The following RAD54L2 variants were observed in gnomAD, a reference collection of about 807,000 sequenced individuals.
The protein encoded by RAD54L2 is RAD54 like 2, also known as helicase ARIP4.
Under a neutral mutation model 138.4 loss-of-function variants are expected in RAD54L2, and 27 were observed. The observed-to-expected ratio is 0.20, with a 90% CI of 0.14 to 0.27. The LOEUF (loss-of-function observed/expected upper bound fraction) is 0.27, where lower values mean the gene tolerates loss of function less well. RAD54L2 is among the 10% of genes least tolerant of loss of function. The pLI is 1.00. For missense variants in RAD54L2, 1,396 were observed against 1,890.2 expected (o/e 0.74, Z 4.85); for synonymous variants, 644 against 723.2 (o/e 0.89, Z 1.76).
Position 51,645,661 on chromosome 3 carries a change from T to C in RAD54L2, c.2727T>C (p.Phe909=). ...AAGAGGTGGAAAACCTACTGCACTT[T>C]GTTGAGAAGGAGCCAGCTCCCCAAG... ...TRKEVENLLH[F]VEKEPAPQVS... is the part of the protein sequence containing the mutation. Residue 909 remains phenylalanine, a synonymous_variant, in exon 18 of 23, where the codon TTT becomes TTC. Coordinates refer to ENST00000684192, the MANE Select transcript of RAD54L2 (RefSeq NM_015106.4). This position sits in a 1 kb window ranked among gnomAD's most constrained non-coding sequence, Gnocchi z 6.1. 1 of 1,612,560 alleles carries C rather than the reference T, an allele frequency of 6.2e-7. No homozygotes were observed. The highest frequency in any genetic ancestry group is 8.5e-7 in the Non-Finnish European group (1 of 1,179,322).
chr3:51,567,882 C>T (rs895623287), intron 2 of RAD54L2, among the ~76,000 whole-genome samples: 6 of 146,520 alleles, frequency 4.1e-5, no homozygotes, highest in African/African-American at 1.5e-4. Flanking sequence ...GTCGAGGCTG[C>T]AGTGAGCTAT....
chr3:51,663,496 T>C lies in RAD54L2; in HGVS notation c.*76T>C. ...AAGCTGAAAGGCAGTGATTTAGACC[T>C]TTTGAGAATAGGACACTTGGCAGGA... On this transcript the variant is annotated 3_prime_UTR_variant, in exon 23 of 23. Coordinates refer to ENST00000684192, the MANE Select transcript of RAD54L2 (RefSeq NM_015106.4). 2 of 1,479,200 alleles carry C rather than the reference T, an allele frequency of 1.4e-6. No homozygotes were observed. The highest frequency in any genetic ancestry group is 1.8e-6 in the Non-Finnish European group (2 of 1,093,182). The allele number at this position is 1,479,200 out of a possible 1,614,324, so 91.6% of individuals were successfully genotyped here.
At position 51,627,667 on chromosome 3, in the gene RAD54L2, T is replaced by C; in HGVS notation, c.254T>C (p.Leu85Pro). 1.2e-6 allele frequency: 2 copies of C among 1,610,044 alleles called. No individual in the cohort carries two copies. Among genetic ancestry groups the C allele is most frequent in the Non-Finnish European group, 1.7e-6 (2 of 1,178,244 alleles). The change falls in exon 4 of 23, where the codon CTT becomes CCT. Residue 85 changes from leucine to proline, a missense_variant. Coordinates refer to ENST00000684192, the MANE Select transcript of RAD54L2 (RefSeq NM_015106.4). ...TCTCAGTCTGAGCCTTCAGAGCAGC[T>C]TAGGCGCCACCAAGGCAAGAACCTA... is the stretch of plus-strand genomic sequence containing the variant. ...TSSQSEPSEQ[L>P]RRHQGKNLAS...
rs1224153603 is a variant in RAD54L2 at position 51,637,139 on chromosome 3, C to G, written c.1340-22C>G. 5 of 1,556,862 alleles carry G rather than the reference C, an allele frequency of 3.2e-6. No individual in the cohort carries two copies. The highest frequency in any genetic ancestry group is 1.7e-4 in the Middle Eastern group (1 of 6,024). ...GAGCAGGCCCTGTCACCCTCTGACTCCGGATCCTCTTCCCTCCCTAGAGTT... is the reference window on the plus strand; with the variant it reads ...GAGCAGGCCCTGTCACCCTCTGACTGCGGATCCTCTTCCCTCCCTAGAGTT... On this transcript the variant is annotated intron_variant, in intron 10 of 22. Coordinates refer to ENST00000684192, the MANE Select transcript of RAD54L2 (RefSeq NM_015106.4). The surrounding 1 kb of genome is among the most constrained non-coding windows in gnomAD (Gnocchi z 5.9).
chr3:51,548,757 C>G (rs1429022948), intron 2 of RAD54L2, among the ~76,000 whole-genome samples: 1 of 150,812 alleles, frequency 6.6e-6, no homozygotes, highest in Non-Finnish European at 1.5e-5. Context: ...AGGATACACA[C>G]AAGGAAGATA....
In RAD54L2 at chr3:51,663,201, G is replaced by C. The variant is rs767176535; in HGVS notation, c.4185G>C (p.Arg1395Ser). 6.2e-7 allele frequency: 1 copy of C among 1,613,952 alleles called. No homozygotes were observed. Among genetic ancestry groups the C allele is most frequent in the South Asian group, 1.1e-5 (1 of 91,082 alleles). ...PFSQPLLSEP[R>S]MFAPFPSPVL... ...CACAGCCACTCCTGTCCGAGCCGAG[G>C]ATGTTTGCGCCTTTTCCTTCCCCTG... The change falls in exon 23 of 23, where the codon AGG becomes AGC. Residue 1395 changes from arginine (R) to serine (S), a missense_variant. Coordinates refer to ENST00000684192, the MANE Select transcript of RAD54L2 (RefSeq NM_015106.4).
rs765273162 is a variant in RAD54L2 at position 51,630,311 on chromosome 3, C to A, written c.521C>A (p.Pro174His). The change falls in exon 6 of 23, where the codon CCT becomes CAT. Residue 174 changes from proline to histidine, a missense_variant. Transcript: ENST00000684192. The stretch of plus-strand genomic sequence containing the variant: ...AGGGCAAGTGACGGTCCCCAACTGC[C>A]TCCTCGGGTCTTGGCCCAGGAAGTC... ...ALRASDGPQL[P>H]PRVLAQEVIC... 3 of 1,614,026 alleles carry A rather than the reference C, an allele frequency of 1.9e-6. No individual in the cohort carries two copies. Among genetic ancestry groups the A allele is most frequent in the South Asian group, 1.1e-5 (1 of 91,084 alleles).
At chr3:51,555,029 A>G (rs377538330) in intron 2 of RAD54L2, among the ~76,000 whole-genome samples, 63 of 151,924 alleles carry the variant, frequency 4.1e-4, no homozygotes, top group African/African-American at 1.4e-3. Context: ...TTTTTATAGT[A>G]AAAGGGTTTT....
chr3:51,577,831 A>G (rs1699513894), intron 2 of RAD54L2, among the ~76,000 whole-genome samples: 2 of 152,058 alleles, frequency 1.3e-5, no homozygotes, highest in East Asian at 3.9e-4. Flanking sequence ...TTCAGAAATC[A>G]CCCATCTTCT....
At chr3:51,548,674 G>A (rs1285930189) in intron 2 of RAD54L2, among the ~76,000 whole-genome samples, 2 of 152,076 alleles carry the variant, frequency 1.3e-5, no homozygotes, top group Non-Finnish European at 2.9e-5. Flanking sequence ...CCCTTTTTAT[G>A]TCCTCATAAG....
chr3:51,550,138 G>A (rs1698800932), intron 2 of RAD54L2, among the ~76,000 whole-genome samples: 1 of 152,116 alleles, frequency 6.6e-6, no homozygotes, highest in African/African-American at 2.4e-5. Flanking sequence ...AGTTCCCACT[G>A]CCTCACTTGA....
At position 51,639,724 on chromosome 3, in the gene RAD54L2, G is replaced by A. The variant is rs1417688107; in HGVS notation, c.2112+54G>A. ...TAAACTATTGCTGAGAAGGGATGGTGCAAGCCCTGCCTGGGGAAGGGGTAG... is the reference window on the plus strand; with the variant it reads ...TAAACTATTGCTGAGAAGGGATGGTACAAGCCCTGCCTGGGGAAGGGGTAG... On this transcript the variant is annotated intron_variant, in intron 13 of 22. Coordinates refer to ENST00000684192, the MANE Select transcript of RAD54L2 (RefSeq NM_015106.4). 6 of 1,595,904 alleles carry A rather than the reference G, an allele frequency of 3.8e-6. No individual in the cohort carries two copies. In the Admixed American group the frequency reaches 8.7e-5, roughly 23 times the overall value.
At chr3:51,584,111 T>G (rs9869628) in intron 2 of RAD54L2, among the ~76,000 whole-genome samples, 151,604 of 152,248 alleles carry the variant, frequency 1, 75,482 homozygotes, top group Middle Eastern at 1. Flanking sequence ...CCAAAGTCAT[T>G]TAGCTAGTTA....
At chr3:51,616,493 TG>T (rs1460842562) in intron 3 of RAD54L2, among the ~76,000 whole-genome samples, 2 of 152,192 alleles carry the variant, frequency 1.3e-5, no homozygotes, top group Non-Finnish European at 2.9e-5. Context: ...TGTACATGAC[TG>T]TTGGTTGTAT....
intron 2 of RAD54L2, among the ~76,000 whole-genome samples, chr3:51,578,138 C>G (rs1196950481): frequency 6.6e-6 from 1 of 151,086 alleles, no homozygotes; most frequent in Non-Finnish European, 1.5e-5. Flanking sequence ...CCCCACACTC[C>G]CCCCCTGCCC....
At chr3:51,557,914 T>C (rs1699011410) in intron 2 of RAD54L2, among the ~76,000 whole-genome samples, 1 of 151,726 alleles carries the variant, frequency 6.6e-6, no homozygotes, top group South Asian at 2.1e-4. Flanking sequence ...GCACAATCTC[T>C]GCTCATTGCA....
At chr3:51,619,490 C>CT (rs201347889) in intron 3 of RAD54L2, among the ~76,000 whole-genome samples, 11,461 of 144,498 alleles carry the variant, frequency 0.079, 931 homozygotes, top group East Asian at 0.34. Context: ...ATGTGTCTCT[C>CT]TTTTTTTTTT....
intron 3 of RAD54L2, among the ~76,000 whole-genome samples, chr3:51,598,135 G>A (rs555295446): frequency 1.3e-4 from 18 of 141,304 alleles, no homozygotes; most frequent in African/African-American, 4.1e-4. Flanking sequence ...ATATATATAT[G>A]TGTGTATATA....
At chr3:51,568,102 C>T (rs1045530151) in intron 2 of RAD54L2, among the ~76,000 whole-genome samples, 1 of 152,070 alleles carries the variant, frequency 6.6e-6, no homozygotes, top group Non-Finnish European at 1.5e-5. Flanking sequence ...ATGGAAGTGG[C>T]TGCGGTGTGG....
Sources: gnomAD v4.1 joint callset for allele counts (sites outside exome capture counted in the v4.1 genomes callset) on GRCh38, gnomAD v4.1.1 for gene constraint, Gnocchi (gnomAD v3.1) non-coding constraint, MANE v1.5 for transcripts, NCBI Gene and HGNC (gene_info 2026-07-23, HGNC 2026-07-21) for gene names.